GALNTL6: variants seen among roughly 807,000 people sequenced by gnomAD.
GALNTL6 encodes the protein polypeptide N-acetylgalactosaminyltransferase like 6.
In GALNTL6, 46 loss-of-function variants were observed where a neutral mutation model predicts 73.7. The observed-to-expected ratio is 0.62, with a 90% confidence interval of 0.49 to 0.80. GALNTL6 has a LOEUF of 0.80. Among genes scored for constraint, GALNTL6 ranks in the 30% least tolerant of loss-of-function variants. The pLI, the probability that GALNTL6 is intolerant of heterozygous loss-of-function variation, is 0.00. For synonymous variants in GALNTL6, 259 were observed against 263.7 expected, an observed-to-expected ratio of 0.98 and a Z score of 0.17; for missense variants, 604 against 755.0, an observed-to-expected ratio of 0.80 and a Z score of 2.34.
At chr4:172,180,831 A>G (rs1411001058) in intron 2 of GALNTL6, among the ~76,000 whole-genome samples, 1 of 152,138 alleles carries the variant, frequency 6.6e-6, no homozygotes, top group Non-Finnish European at 1.5e-5. Context: ...TACCAGTACC[A>G]TGCTGTTTTG....
intron 3 of GALNTL6, among the ~76,000 whole-genome samples, chr4:172,231,247 T>C (rs563156976): frequency 3.3e-5 from 5 of 152,294 alleles, no homozygotes; most frequent in South Asian, 2.1e-4. Flanking sequence ...CCCAGGATGC[T>C]GAAGTTTTTT....
rs547007393 is a variant in GALNTL6 at position 172,251,210 on chromosome 4, G to A, written c.247+21446G>A. On this transcript the variant is annotated intron_variant, in intron 3 of 12. Transcript: ENST00000506823. ...AGCTTGAGTTTACAGGTAGTTTGGT[G>A]GCAGAATTCCTTTTTGCATAGGGAG... is the stretch of plus-strand genomic sequence containing the variant. 2.6e-5 allele frequency among the ~76,000 whole-genome samples: 4 copies of A among 152,114 alleles called. No homozygotes were observed. The South Asian group carries it at 8.3e-4, about 32-fold the overall frequency.
intron 2 of GALNTL6, among the ~76,000 whole-genome samples, chr4:172,218,637 G>T (rs890430264): frequency 3.9e-5 from 6 of 152,016 alleles, no homozygotes; most frequent in Admixed American, 3.3e-4. Context: ...ATGGGTCCAA[G>T]AAAACTTGCA....
intron 2 of GALNTL6, among the ~76,000 whole-genome samples, chr4:171,902,755 G>C (rs977556414): frequency 6.6e-6 from 1 of 152,130 alleles, no homozygotes; most frequent in Admixed American, 6.5e-5. Context: ...AAAAAGGAAA[G>C]ATATGAATAG....
chr4:171,871,165 T>C (rs1485867), intron 2 of GALNTL6, among the ~76,000 whole-genome samples: 34,494 of 151,970 alleles, frequency 0.23, 4,664 homozygotes, highest in African/African-American at 0.37. Context: ...GAGTATGTAA[T>C]GATACTCCCA....
At chr4:171,991,726 GTGTGTATATATATA>G (rs997615993) in intron 2 of GALNTL6, among the ~76,000 whole-genome samples, 8 of 29,684 alleles carry the variant, frequency 2.7e-4, no homozygotes, top group African/African-American at 9.0e-4. Context: ...GTGTGTGTGT[GTGTGTATATATATA>G]TATATATATA....
At chr4:172,336,275 G>GTTT (rs200566896) in intron 4 of GALNTL6, among the ~76,000 whole-genome samples, 1 of 126,038 alleles carries the variant, frequency 7.9e-6, no homozygotes, top group East Asian at 2.4e-4. Context: ...GTTTTGTTTT[G>GTTT]TTTTTTTTTT....
intron 12 of GALNTL6, among the ~76,000 whole-genome samples, chr4:173,028,272 G>A (rs2126529023): frequency 6.6e-6 from 1 of 152,230 alleles, no homozygotes; most frequent in Non-Finnish European, 1.5e-5. Flanking sequence ...ACATTACAAA[G>A]GTGTATTATT....
At chr4:172,346,112 C>T (rs1401805931) in intron 4 of GALNTL6, among the ~76,000 whole-genome samples, 2 of 152,288 alleles carry the variant, frequency 1.3e-5, no homozygotes, top group East Asian at 3.9e-4. Context: ...GCTAAGGAGA[C>T]ATTGATGTGC....
rs776675339 is a variant in GALNTL6 at position 172,069,583 on chromosome 4, T to TAACACA, written c.139-160073_139-160072insAACACA. On this transcript the variant is annotated intron_variant, in intron 2 of 12. Coordinates refer to ENST00000506823, the MANE Select transcript of GALNTL6 (RefSeq NM_001034845.3). ...ATATATAACACATATATGTTATATA[T>TAACACA]TATATATATAACACATATATGTTAT... is the stretch of plus-strand genomic sequence containing the variant. 1.3e-3 allele frequency among the ~76,000 whole-genome samples: 68 copies of TAACACA among 52,008 alleles called. 20 individuals carry two copies. The highest frequency in any genetic ancestry group is 5.7e-3 in the East Asian group (16 of 2,802). 34.1% of individuals were successfully genotyped at this position (52,008 alleles called of 152,430 possible).
chr4:172,692,365 T>C (rs1179023196), intron 5 of GALNTL6, among the ~76,000 whole-genome samples: 2 of 152,094 alleles, frequency 1.3e-5, no homozygotes, highest in Non-Finnish European at 2.9e-5. Flanking sequence ...TAGGTGAAAT[T>C]ATTGGGCCAA....
intron 5 of GALNTL6, among the ~76,000 whole-genome samples, chr4:172,737,946 G>A (rs1472212922): frequency 1.3e-5 from 2 of 152,098 alleles, no homozygotes; most frequent in Non-Finnish European, 2.9e-5. Flanking sequence ...TTATAAAGAG[G>A]GGACCTGGGG....
chr4:172,424,675 G>T (rs1247810273), intron 5 of GALNTL6, among the ~76,000 whole-genome samples: 1 of 151,938 alleles, frequency 6.6e-6, no homozygotes, highest in Non-Finnish European at 1.5e-5. Context: ...AGAACTCCAC[G>T]GTTGCCCTGA....
chr4:172,103,921 G>GTTTTT (rs1732595559), intron 2 of GALNTL6, among the ~76,000 whole-genome samples: 2 of 150,356 alleles, frequency 1.3e-5, no homozygotes, highest in East Asian at 3.9e-4. Flanking sequence ...AACTAGGACA[G>GTTTTT]GTTTTTGTTT....
intron 3 of GALNTL6, among the ~76,000 whole-genome samples, chr4:172,301,599 A>G (rs111759337): frequency 0.016 from 2,416 of 152,256 alleles, 65 homozygotes; most frequent in African/African-American, 0.055. Context: ...CAGGACCCTC[A>G]GCTGCAGGTC....
intron 5 of GALNTL6, among the ~76,000 whole-genome samples, chr4:172,389,083 T>A (rs1735868007): frequency 6.6e-6 from 1 of 152,052 alleles, no homozygotes; most frequent in Non-Finnish European, 1.5e-5. Context: ...AAGACGTAAT[T>A]TCAGGAACTA....
Position 172,727,383 on chromosome 4 carries a change from C to T in GALNTL6, c.554-81978C>T, listed in dbSNP as rs533919655. ...AGGATAATTACTCACAAACTATAAACGAATTCAGTAAATAATCATAGAAAA... is the reference window on the plus strand; with the variant it reads ...AGGATAATTACTCACAAACTATAAATGAATTCAGTAAATAATCATAGAAAA... On this transcript the variant is annotated intron_variant, in intron 5 of 12. Coordinates refer to ENST00000506823, the MANE Select transcript of GALNTL6 (RefSeq NM_001034845.3). Among the ~76,000 whole-genome samples the T allele has an allele frequency of 1.1e-4, 16 of 152,218 alleles. No individual in the cohort carries two copies. In the East Asian group the frequency reaches 1.4e-3, roughly 13 times the overall value.
intron 10 of GALNTL6, among the ~76,000 whole-genome samples, chr4:172,972,142 T>G (rs1016681202): frequency 2.0e-5 from 3 of 152,066 alleles, no homozygotes; most frequent in African/African-American, 7.2e-5. Flanking sequence ...GAAAACAACT[T>G]ACATAAGGCA....
intron 4 of GALNTL6, among the ~76,000 whole-genome samples, chr4:172,314,752 C>T (rs1740485674): frequency 2.0e-5 from 3 of 151,782 alleles, no homozygotes; most frequent in Non-Finnish European, 4.4e-5. Flanking sequence ...AGATTACAGG[C>T]ACCTGCCACC....
Sources: gnomAD v4.1 joint callset for allele counts (sites outside exome capture counted in the v4.1 genomes callset) on GRCh38, gnomAD v4.1.1 for gene constraint, MANE v1.5 for transcripts, NCBI Gene and HGNC (gene_info 2026-07-23, HGNC 2026-07-21) for gene names.